TEC: variants seen among roughly 807,000 people sequenced by gnomAD.
The protein encoded by TEC is tyrosine-protein kinase Tec.
TEC carries 72 observed loss-of-function variants against 93.0 expected under a neutral mutation model. The observed-to-expected ratio is 0.77, with a 90% CI of 0.64 to 0.94. The LOEUF (loss-of-function observed/expected upper bound fraction) is 0.94, where lower values mean the gene tolerates loss of function less well. Among genes scored for constraint, TEC ranks in the 40% least tolerant of loss-of-function variants. TEC has a pLI of 0.00. For missense variants in TEC, 630 were observed against 757.9 expected (o/e 0.83, Z 1.98); for synonymous variants, 249 against 247.7 (o/e 1.01, Z -0.05).
At chr4:48,157,688 G>C (rs932139795) in intron 8 of TEC, among the ~76,000 whole-genome samples, 23 of 152,272 alleles carry the variant, frequency 1.5e-4, no homozygotes, top group Admixed American at 1.2e-3. Flanking sequence ...GCTAATTTTT[G>C]TATTTTTAGT....
intron 2 of TEC, among the ~76,000 whole-genome samples, chr4:48,201,719 C>A (rs550163241): frequency 6.6e-6 from 1 of 152,026 alleles, no homozygotes; most frequent in Non-Finnish European, 1.5e-5. Context: ...AGGAAGGGGA[C>A]GGGAAGCAGA....
intron 1 of TEC, among the ~76,000 whole-genome samples, chr4:48,236,265 A>G (rs958452876): frequency 1.3e-5 from 2 of 152,126 alleles, no homozygotes; most frequent in African/African-American, 4.8e-5. Context: ...GCCGTTACTA[A>G]GGATTACAAA....
chr4:48,206,514 G>C (rs1722721008), intron 2 of TEC, among the ~76,000 whole-genome samples: 1 of 152,128 alleles, frequency 6.6e-6, no homozygotes, highest in Non-Finnish European at 1.5e-5. Flanking sequence ...TATTTCGATA[G>C]AGACTAAATG....
At chr4:48,172,435 C>CTTTTTTTTTTTTTTTTTTT (rs71654897) in intron 3 of TEC, among the ~76,000 whole-genome samples, 1 of 146,854 alleles carries the variant, frequency 6.8e-6, no homozygotes, top group Non-Finnish European at 1.5e-5. Context: ...AAGGAATGTA[C>CTTTTTTTTTTTTTTTTTTT]TTTTTTTTTT....
chr4:48,184,995 T>C (rs916475084), intron 2 of TEC, among the ~76,000 whole-genome samples: 3 of 152,004 alleles, frequency 2.0e-5, no homozygotes, highest in Non-Finnish European at 4.4e-5. Context: ...TTGACTGCTG[T>C]GTCCTTTTAC....
chr4:48,210,377 T>C (rs529364147), intron 2 of TEC, among the ~76,000 whole-genome samples: 1 of 151,940 alleles, frequency 6.6e-6, no homozygotes, highest in African/African-American at 2.4e-5. Context: ...TCCTGGTCCT[T>C]AGGAGGCCAA....
At position 48,168,675 on chromosome 4, in the gene TEC, T is replaced by C. The variant is rs528062182; in HGVS notation, c.455-49A>G. 37 of 1,580,042 alleles carry C rather than the reference T, an allele frequency of 2.3e-5. No homozygotes were observed. The African/African-American group carries it at 3.7e-4, about 16-fold the overall frequency. On this transcript the variant is annotated intron_variant, in intron 5 of 17. Transcript: ENST00000381501. Reference sequence around the variant, plus strand: ...AGATTAAAATGCTATCTACCAATAATTGATAAAAATAAGATATGGGTAGTT... The same window carrying C: ...AGATTAAAATGCTATCTACCAATAACTGATAAAAATAAGATATGGGTAGTT...
chr4:48,223,483 T>G (rs1246565067), intron 2 of TEC, among the ~76,000 whole-genome samples: 3 of 152,188 alleles, frequency 2.0e-5, no homozygotes, highest in Non-Finnish European at 4.4e-5. Context: ...TTGTGCAGGT[T>G]TTTAATTTTT....
chr4:48,237,007 T>C (rs1723803768), intron 1 of TEC, among the ~76,000 whole-genome samples: 1 of 152,196 alleles, frequency 6.6e-6, no homozygotes, highest in African/African-American at 2.4e-5. Flanking sequence ...ATATGTACAA[T>C]TATTATTTGT....
intron 9 of TEC, among the ~76,000 whole-genome samples, chr4:48,151,718 C>T (rs774637063): frequency 6.6e-6 from 1 of 152,242 alleles, no homozygotes; most frequent in African/African-American, 2.4e-5. Flanking sequence ...AACTTCTGAC[C>T]TCCAGTGATC....
At chr4:48,264,371 C>A (rs1724578574) in intron 1 of TEC, among the ~76,000 whole-genome samples, 1 of 152,190 alleles carries the variant, frequency 6.6e-6, no homozygotes, top group Non-Finnish European at 1.5e-5. Flanking sequence ...TTCCTCCCTA[C>A]TCCTTCACCC....
At chr4:48,252,326 C>T (rs1286409479) in intron 1 of TEC, among the ~76,000 whole-genome samples, 1 of 152,136 alleles carries the variant, frequency 6.6e-6, no homozygotes, top group Non-Finnish European at 1.5e-5. Flanking sequence ...TAAGTCAATC[C>T]TGCTATTGTT....
intron 2 of TEC, among the ~76,000 whole-genome samples, chr4:48,208,514 C>T (rs148656434): frequency 5.1e-4 from 77 of 152,212 alleles, no homozygotes; most frequent in African/African-American, 1.5e-3. Context: ...CCTCCCATGC[C>T]CACCCCATTC....
chr4:48,186,259 A>C (rs1721837983), intron 2 of TEC, among the ~76,000 whole-genome samples: 1 of 152,168 alleles, frequency 6.6e-6, no homozygotes, highest in Non-Finnish European at 1.5e-5. Flanking sequence ...CCGAGATTGC[A>C]GCCTCTGCCT....
chr4:48,206,264 C>A (rs185683583), intron 2 of TEC, among the ~76,000 whole-genome samples: 1 of 151,970 alleles, frequency 6.6e-6, no homozygotes, highest in Non-Finnish European at 1.5e-5. Context: ...GATTTTTAAA[C>A]GACATTATAA....
At chr4:48,238,648 T>C (rs970356240) in intron 1 of TEC, among the ~76,000 whole-genome samples, 2 of 149,610 alleles carry the variant, frequency 1.3e-5, no homozygotes, top group Non-Finnish European at 3.0e-5. Flanking sequence ...CATATGCAGA[T>C]ATATGCATTA....
rs1720932409 is a variant in TEC, at chr4:48,167,841, C to T, written c.608G>A (p.Gly203Asp). The T allele has an allele frequency of 1.2e-6, 2 of 1,613,770 alleles. No homozygotes were observed. The highest frequency in any genetic ancestry group is 8.5e-7 in the Non-Finnish European group (1 of 1,179,916). Residue 203 changes from glycine (G) to aspartate (D), a missense_variant, in exon 7 of 18, where the codon GGC (glycine) becomes GAC (aspartate). This residue lies in a region of TEC where 335 missense variants were observed against 351.5 expected (regional missense o/e 0.95). Transcript: ENST00000381501. ...CTTTTCTAAAATGAGATACTCTTGG[C>T]CTCTCTCTAATCTGAGATCATGTCC... is the stretch of plus-strand genomic sequence containing the variant. ...AEGHDLRLER[G>D]QEYLILEKND...
At chr4:48,244,140 T>C (rs1723994597) in intron 1 of TEC, among the ~76,000 whole-genome samples, 1 of 152,142 alleles carries the variant, frequency 6.6e-6, no homozygotes, top group Non-Finnish European at 1.5e-5. Flanking sequence ...AAACAGCTTA[T>C]ATTAATTTAA....
intron 1 of TEC, among the ~76,000 whole-genome samples, chr4:48,252,663 A>G (rs1276901713): frequency 6.6e-6 from 1 of 152,250 alleles, no homozygotes; most frequent in Non-Finnish European, 1.5e-5. Flanking sequence ...AGATATAGGC[A>G]GACAATCACT....
Sources: gnomAD v4.1 joint callset for allele counts (sites outside exome capture counted in the v4.1 genomes callset) on GRCh38, gnomAD v4.1.1 for gene constraint, gnomAD v4.1.1 regional missense constraint, MANE v1.5 for transcripts, NCBI Gene and HGNC (gene_info 2026-07-23, HGNC 2026-07-21) for gene names.